The following TRPM3 variants were observed in gnomAD, a reference collection of about 807,000 sequenced individuals.
TRPM3 encodes transient receptor potential cation channel subfamily M member 3.
Under a neutral mutation model 181.2 loss-of-function variants are expected in TRPM3, and 77 were observed. That is an observed-to-expected ratio of 0.42 (90% CI 0.35 to 0.51). The LOEUF (loss-of-function observed/expected upper bound fraction) is 0.51, where lower values mean the gene tolerates loss of function less well. Ranked by LOEUF, TRPM3 falls within the 20% of genes least tolerant of loss-of-function variation. The pLI, the probability that TRPM3 is intolerant of heterozygous loss-of-function variation, is 0.01. For missense variants in TRPM3, 1,759 were observed against 2,196.7 expected (o/e 0.80, Z 3.98); for synonymous variants, 745 against 796.4 (o/e 0.94, Z 1.09).
chr9:71,082,984 T>C (rs956365865), intron 1 of TRPM3, among the ~76,000 whole-genome samples: 2 of 152,104 alleles, frequency 1.3e-5, no homozygotes, highest in Non-Finnish European at 2.9e-5. Flanking sequence ...TGGAGATTTC[T>C]AGCATGTCCC....
intron 1 of TRPM3, among the ~76,000 whole-genome samples, chr9:71,399,773 C>T (rs1284564821): frequency 2.0e-5 from 3 of 152,150 alleles, no homozygotes; most frequent in South Asian, 4.1e-4. Flanking sequence ...CCTTGTGATC[C>T]GCCCGCCTTG....
At chr9:71,213,425 T>C (rs948578905) in intron 1 of TRPM3, among the ~76,000 whole-genome samples, 3 of 152,246 alleles carry the variant, frequency 2.0e-5, no homozygotes, top group Admixed American at 2.0e-4. Context: ...ATTCTTTCCC[T>C]GGTTTATCAT....
At chr9:70,565,571 G>T in intron 22 of TRPM3, among the ~76,000 whole-genome samples, 1 of 149,710 alleles carries the variant, frequency 6.7e-6, no homozygotes, top group Admixed American at 6.7e-5. Flanking sequence ...GGGATTACAG[G>T]CATGAGCCAC....
chr9:71,293,589 G>T (rs753022683), intron 1 of TRPM3, among the ~76,000 whole-genome samples: 1 of 143,964 alleles, frequency 6.9e-6, no homozygotes, highest in Non-Finnish European at 1.5e-5. Flanking sequence ...TAAATGGAGA[G>T]ATATACTACA....
chr9:70,824,483 A>C (rs1182010824), intron 6 of TRPM3: 1 of 151,786 alleles, frequency 6.6e-6, no homozygotes, highest in East Asian at 1.9e-4. Flanking sequence ...GCTGGAGTGC[A>C]ATGGCATGGT....
At chr9:71,307,490 A>T (rs557232835) in intron 1 of TRPM3, among the ~76,000 whole-genome samples, 9 of 152,182 alleles carry the variant, frequency 5.9e-5, no homozygotes, top group Non-Finnish European at 1.0e-4. Flanking sequence ...TATATAAAAC[A>T]TGCATCTAAC....
intron 6 of TRPM3, among the ~76,000 whole-genome samples, chr9:70,813,634 C>T (rs1006971369): frequency 6.6e-6 from 1 of 152,102 alleles, no homozygotes; most frequent in Admixed American, 6.6e-5. Context: ...CAAAACTGTA[C>T]CTGCACCTCC....
intron 25 of TRPM3, among the ~76,000 whole-genome samples, chr9:70,541,375 T>A (rs1479532226): frequency 6.6e-6 from 1 of 152,198 alleles, no homozygotes; most frequent in Non-Finnish European, 1.5e-5. Context: ...TCAACAAACT[T>A]ACCATGAAAT....
chr9:71,238,447 G>A (rs2081486319), intron 1 of TRPM3, among the ~76,000 whole-genome samples: 1 of 152,126 alleles, frequency 6.6e-6, no homozygotes, highest in South Asian at 2.1e-4. Flanking sequence ...ATTTTAGGGA[G>A]CCCTCAGTTA....
intron 9 of TRPM3, among the ~76,000 whole-genome samples, chr9:70,655,946 A>T (rs1354604561): frequency 6.6e-6 from 1 of 152,230 alleles, no homozygotes; most frequent in Non-Finnish European, 1.5e-5. Flanking sequence ...TGCGTACACA[A>T]CGTTTCACTA....
intron 1 of TRPM3, among the ~76,000 whole-genome samples, chr9:70,963,799 C>T (rs940008944): frequency 6.6e-6 from 1 of 152,056 alleles, no homozygotes; most frequent in Non-Finnish European, 1.5e-5. Flanking sequence ...TAAACAAATG[C>T]ATCTCCTGCA....
chr9:70,971,272 T>C (rs547535521), intron 1 of TRPM3, among the ~76,000 whole-genome samples: 6 of 152,326 alleles, frequency 3.9e-5, no homozygotes, highest in African/African-American at 9.6e-5. Flanking sequence ...GCCCTCACAC[T>C]GAGCTAACCT....
chr9:71,046,606 C>T (rs1454155651), intron 1 of TRPM3, among the ~76,000 whole-genome samples: 2 of 152,164 alleles, frequency 1.3e-5, no homozygotes, highest in Admixed American at 6.5e-5. Context: ...CTATCCTCCC[C>T]GACCTATCAC....
intron 14 of TRPM3, among the ~76,000 whole-genome samples, chr9:70,622,122 A>G (rs528634000): frequency 1.4e-4 from 21 of 152,298 alleles, no homozygotes; most frequent in East Asian, 9.7e-4. Flanking sequence ...AAGAGGCTCA[A>G]TGCAGCTCAT....
chr9:71,237,524 A>C (rs760892520), intron 1 of TRPM3, among the ~76,000 whole-genome samples: 1 of 152,198 alleles, frequency 6.6e-6, no homozygotes, highest in Non-Finnish European at 1.5e-5. Context: ...GATGGTCTGG[A>C]AAATGAATTT....
chr9:70,600,013 T>G (rs2059606853), intron 20 of TRPM3, among the ~76,000 whole-genome samples: 1 of 152,256 alleles, frequency 6.6e-6, no homozygotes, highest in Non-Finnish European at 1.5e-5. Context: ...GACTGTTGTG[T>G]AGGCACTAAC....
intron 1 of TRPM3, among the ~76,000 whole-genome samples, chr9:70,983,824 T>C (rs1426472907): frequency 2.0e-5 from 3 of 152,188 alleles, no homozygotes; most frequent in Non-Finnish European, 4.4e-5. Flanking sequence ...GTCCTGGCTG[T>C]TTAGAGCCTA....
Position 70,535,977 on chromosome 9 carries a change from T to C in TRPM3, c.5136A>G (p.Gln1712=), listed in dbSNP as rs1219880572. The change falls in exon 26 of 26, where the codon CAA becomes CAG. Residue 1712 remains glutamine, a synonymous_variant. Transcript: ENST00000677713. ...MRRLSRTSAF[Q]SFESKHN is the part of the protein sequence containing the mutation. ...TTTAGTTGTGCTTGCTTTCAAAGCT[T>C]TGGAAAGCCGATGTTCTGGACAGTC... The C allele has an allele frequency of 1.2e-6, 2 of 1,604,348 alleles. 1 individual carries two copies. The highest frequency in any genetic ancestry group is 4.5e-5 in the East Asian group (2 of 44,812).
intron 1 of TRPM3, among the ~76,000 whole-genome samples, chr9:70,999,874 T>C (rs756341804): frequency 3.3e-5 from 5 of 152,210 alleles, no homozygotes; most frequent in Non-Finnish European, 7.3e-5. Context: ...ATCCACAGTG[T>C]GTTTAGCAGA....
Sources: gnomAD v4.1 joint callset for allele counts (sites outside exome capture counted in the v4.1 genomes callset) on GRCh38, gnomAD v4.1.1 for gene constraint, MANE v1.5 for transcripts, NCBI Gene and HGNC (gene_info 2026-07-23, HGNC 2026-07-21) for gene names.